PLAAT2: variants seen among roughly 807,000 people sequenced by gnomAD.
PLAAT2 encodes the protein phospholipase A and acyltransferase 2, also known as HRAS like suppressor 2.
In PLAAT2, 12 loss-of-function variants were observed where a neutral mutation model predicts 12.8. The ratio of observed to expected loss-of-function variants is 0.94; its 90% CI spans 0.60 to 1.52. The LOEUF (loss-of-function observed/expected upper bound fraction) is 1.52. Ranked by LOEUF, PLAAT2 falls within the 40% of genes most tolerant of loss-of-function variation. The pLI is 0.00. For missense variants in PLAAT2, 166 were observed against 208.1 expected, an observed-to-expected ratio of 0.80 and a Z score of 1.24; for synonymous variants, 79 against 86.8, an observed-to-expected ratio of 0.91 and a Z score of 0.50.
intron 1 of PLAAT2, among the ~76,000 whole-genome samples, chr11:63,563,100 C>T (rs1380311586): frequency 1.3e-5 from 2 of 152,182 alleles, no homozygotes; most frequent in African/African-American, 2.4e-5. Flanking sequence ...TAGAACCAGA[C>T]CCCATGCGGC....
chr11:63,560,179 C>T lies in PLAAT2; in HGVS notation c.24G>A (p.Pro8=), dbSNP rs140325550. 1,715 of 1,613,308 alleles carry T rather than the reference C, an allele frequency of 1.1e-3. 3 individuals are homozygous for T. Among genetic ancestry groups the T allele is most frequent in the Middle Eastern group, 3.3e-3 (20 of 6,062 alleles). The change falls in exon 2 of 4, where the codon CCG becomes CCA. Residue 8 remains proline (P), a synonymous_variant. Transcript: ENST00000255695. ...AAATCTCAATCAGGTCTCCAAGTCT[C>T]GGTCTTGGTCTGGCCTGCAACAGAA... MALARPR[P]RLGDLIEISR...
Position 63,558,640 on chromosome 11 carries a change from C to T in PLAAT2, c.139G>A (p.Ala47Thr), listed in dbSNP as rs954474647. The T allele has an allele frequency of 1.2e-6, 2 of 1,614,220 alleles. No individual in the cohort carries two copies. Among genetic ancestry groups the T allele is most frequent in the South Asian group, 1.1e-5 (1 of 91,086 alleles). The change falls in exon 3 of 4, where the codon GCG becomes ACG. Residue 47 changes from alanine to threonine, a missense_variant. Transcript: ENST00000255695. ...APASEIAGAG[A>T]ASVLSALTNK... is the part of the protein sequence containing the mutation. ...GTCAGGGCAGACAGGACACTGGCCG[C>T]ACCAGCTCCAGCAATTTCACCTGTG...
intron 3 of PLAAT2, among the ~76,000 whole-genome samples, chr11:63,556,185 T>G (rs2017464863): frequency 6.6e-6 from 1 of 151,954 alleles, no homozygotes; most frequent in Non-Finnish European, 1.5e-5. Flanking sequence ...GAGGAGAGTC[T>G]TTCCAGACAG....
chr11:63,560,025 G>T, intron 2 of PLAAT2, 60 bp downstream of exon 2: 3 of 1,145,280 alleles, frequency 2.6e-6, no homozygotes, highest in Non-Finnish European at 2.6e-6. Context: ...GCACGTAACT[G>T]TGCATCTCTT....
upstream of PLAAT2, among the ~76,000 whole-genome samples, chr11:63,564,548 G>A (rs1307616960): frequency 6.6e-6 from 1 of 152,218 alleles, no homozygotes; most frequent in Non-Finnish European, 1.5e-5. Flanking sequence ...CAGCAGTTCT[G>A]CATGACCAGC....
At chr11:63,561,379 C>A (rs865780518) in intron 1 of PLAAT2, among the ~76,000 whole-genome samples, 62 of 152,118 alleles carry the variant, frequency 4.1e-4, no homozygotes, top group Admixed American at 1.6e-3. Context: ...TGTGGTGGCT[C>A]ACGCCTATAA....
chr11:63,553,048 C>T lies in PLAAT2; in HGVS notation c.405G>A (p.Thr135=), dbSNP rs771244500. ...SRSDQVTGAV[T]TVGVAAGLLA... ...GCAGGCCTGCTGCCACACCTACTGTCGTGACTGCACCAGTGACCTGCAGCA... is the reference window on the plus strand; with the variant it reads ...GCAGGCCTGCTGCCACACCTACTGTTGTGACTGCACCAGTGACCTGCAGCA... Residue 135 remains threonine, a synonymous_variant, in exon 4 of 4, where the codon ACG becomes ACA. Coordinates refer to ENST00000255695, the MANE Select transcript of PLAAT2 (RefSeq NM_017878.2). 20 of 1,612,962 alleles carry T rather than the reference C, an allele frequency of 1.2e-5. No homozygotes were observed. The highest frequency in any genetic ancestry group is 1.6e-4 in the Middle Eastern group (1 of 6,062).
intron 2 of PLAAT2, among the ~76,000 whole-genome samples, 185 bp downstream of exon 2, chr11:63,559,900 C>T (rs2017502557): frequency 6.6e-6 from 1 of 152,166 alleles, no homozygotes; most frequent in Admixed American, 6.5e-5. Flanking sequence ...AATAGTCTCT[C>T]CACCAATTTA....
intron 3 of PLAAT2, among the ~76,000 whole-genome samples, chr11:63,557,285 G>C (rs1231340840): frequency 1.3e-5 from 2 of 152,080 alleles, no homozygotes; most frequent in Non-Finnish European, 2.9e-5. Context: ...TAATCCCAAG[G>C]GAGGCCGAGT....
chr11:63,554,012 C>G (rs74751258), intron 3 of PLAAT2, among the ~76,000 whole-genome samples: 286 of 152,238 alleles, frequency 1.9e-3, no homozygotes, highest in African/African-American at 6.4e-3. Context: ...ACTGAAAAAA[C>G]CACAGAGATG....
chr11:63,558,785 T>A (rs1287556955), intron 2 of PLAAT2, 125 bp from the exon 3 acceptor site: 1 of 1,205,398 alleles, frequency 8.3e-7, no homozygotes, highest in African/African-American at 1.5e-5. Context: ...CCATCCTGCC[T>A]GGCCTCAAAC....
chr11:63,554,500 T>C lies in PLAAT2; in HGVS notation c.388-1435A>G, dbSNP rs182231827. ...AAAATTAGCCAGGCATGGTGGCGGG[T>C]GCCTATAATCCCAGCTACCTGGGAG... On this transcript the variant is annotated intron_variant, in intron 3 of 3. Transcript: ENST00000255695. Among the ~76,000 whole-genome samples, 706 of 151,830 alleles carry C rather than the reference T, an allele frequency of 4.6e-3. 6 individuals carry two copies. The highest frequency in any genetic ancestry group is 0.016 in the African/African-American group (664 of 41,380).
In PLAAT2 at chr11:63,562,572, G is replaced by A. The variant is rs113349121; in HGVS notation, c.9+744C>T. On this transcript the variant is annotated intron_variant, in intron 1 of 3. Transcript: ENST00000255695. ...TTTAGAGTCAGAGCCTCCTAAGTTC[G>A]AATTCCCTCTCTGACTTTTGGGCAG... 3.4e-3 allele frequency among the ~76,000 whole-genome samples: 524 copies of A among 152,206 alleles called. 4 individuals are homozygous for A. The highest frequency in any genetic ancestry group is 0.014 in the Middle Eastern group (4 of 294).
At chr11:63,563,188 C>G (rs1175962156) in intron 1 of PLAAT2, 128 bp downstream of exon 1, 2 of 1,085,684 alleles carry the variant, frequency 1.8e-6, no homozygotes, top group African/African-American at 3.1e-5. Context: ...AGCCAGACCC[C>G]CAGAACTCAG....
intron 3 of PLAAT2, among the ~76,000 whole-genome samples, chr11:63,553,576 G>C (rs2017437994): frequency 6.6e-6 from 1 of 152,206 alleles, no homozygotes; most frequent in Admixed American, 6.5e-5. Flanking sequence ...CTTGAGCCCA[G>C]GAGGCGGAGG....
intron 2 of PLAAT2, 107 bp from the exon 3 acceptor site, chr11:63,558,767 G>C: frequency 7.3e-7 from 1 of 1,361,520 alleles, no homozygotes; most frequent in Non-Finnish European, 1.0e-6. Context: ...AGCTGTGGAA[G>C]GACTTGTCCA....
At chr11:63,558,736 C>T (rs2017492139) in intron 2 of PLAAT2, 76 bp from the exon 3 acceptor site, 10 of 1,538,652 alleles carry the variant, frequency 6.5e-6, no homozygotes, top group East Asian at 2.3e-5. Context: ...CTCATCGCCC[C>T]GAGCACCATC....
At chr11:63,556,570 A>T (rs1230926287) in intron 3 of PLAAT2, among the ~76,000 whole-genome samples, 2 of 152,168 alleles carry the variant, frequency 1.3e-5, no homozygotes, top group Non-Finnish European at 2.9e-5. Context: ...ACTGAGTACC[A>T]GAGCATGTCC....
intron 2 of PLAAT2, 116 bp from the exon 3 acceptor site, chr11:63,558,776 C>G: frequency 7.9e-7 from 1 of 1,271,940 alleles, no homozygotes; most frequent in Non-Finnish European, 1.1e-6. Context: ...AGGACTTGTC[C>G]ATCCTGCCTG....
Sources: allele counts gnomAD v4.1 joint callset (sites outside exome capture counted in the v4.1 genomes callset), GRCh38; gene constraint gnomAD v4.1.1; transcripts MANE v1.5; gene names NCBI Gene and HGNC (gene_info 2026-07-23, HGNC 2026-07-21).